Variants in TGFA observed in about 807,000 individuals in gnomAD.
TGFA encodes transforming growth factor alpha, also known as protransforming growth factor alpha.
TGFA carries 12 observed loss-of-function variants against 21.7 expected under a neutral mutation model. The ratio of observed to expected loss-of-function variants is 0.55; its 90% CI spans 0.35 to 0.90. The LOEUF (loss-of-function observed/expected upper bound fraction) is 0.90. TGFA is among the 40% of genes least tolerant of loss of function. The pLI is 0.01. For missense variants in TGFA, 178 were observed against 210.8 expected (o/e 0.84, Z 0.96); for synonymous variants, 79 against 88.1 (o/e 0.90, Z 0.58).
chr2:70,533,250 T>C (rs1553503958), intron 1 of TGFA, among the ~76,000 whole-genome samples: 1 of 152,180 alleles, frequency 6.6e-6, no homozygotes, highest in African/African-American at 2.4e-5. Flanking sequence ...TGTTCTGAGG[T>C]ACAAGCTGAA....
intron 2 of TGFA, among the ~76,000 whole-genome samples, chr2:70,503,579 T>TA (rs372379367): frequency 0.31 from 41,935 of 134,254 alleles, 6,695 homozygotes; most frequent in East Asian, 0.51. Context: ...ATAATAATAA[T>TA]AATAAAAAAA....
At chr2:70,465,533 A>G (rs1670529359) in intron 3 of TGFA, 83 bp downstream of exon 3, 13 of 1,552,376 alleles carry the variant, frequency 8.4e-6, no homozygotes, top group South Asian at 1.2e-5. Context: ...GCCTCTGGCA[A>G]GTCTTATGGA....
chr2:70,522,533 C>T (rs892293747), intron 1 of TGFA, among the ~76,000 whole-genome samples: 8 of 152,324 alleles, frequency 5.3e-5, no homozygotes, highest in African/African-American at 1.7e-4. Context: ...CTCCCAGGTT[C>T]AAGCAATTCT....
chr2:70,532,756 T>G (rs1390637639), intron 1 of TGFA, among the ~76,000 whole-genome samples: 1 of 152,218 alleles, frequency 6.6e-6, no homozygotes, highest in Non-Finnish European at 1.5e-5. Context: ...TCTCCCTGCT[T>G]TAGGCAGTTC....
At chr2:70,547,436 A>C (rs543703922) in intron 1 of TGFA, among the ~76,000 whole-genome samples, 5 of 151,998 alleles carry the variant, frequency 3.3e-5, no homozygotes, top group African/African-American at 4.8e-5. Context: ...TCTACTAAAA[A>C]CACAAAAATT....
chr2:70,529,759 A>G (rs902039247), intron 1 of TGFA, among the ~76,000 whole-genome samples: 5 of 152,194 alleles, frequency 3.3e-5, no homozygotes, highest in Admixed American at 3.3e-4. Flanking sequence ...CAGAGGAGCA[A>G]TAACATCTGA....
intron 3 of TGFA, among the ~76,000 whole-genome samples, chr2:70,462,044 C>G (rs782174994): frequency 2.0e-5 from 3 of 152,112 alleles, no homozygotes; most frequent in Admixed American, 2.0e-4. Context: ...CTCCCTCTCT[C>G]GAGACTAGAA....
At chr2:70,477,916 G>A (rs1291058928) in intron 2 of TGFA, among the ~76,000 whole-genome samples, 1 of 152,156 alleles carries the variant, frequency 6.6e-6, no homozygotes, top group Non-Finnish European at 1.5e-5. Flanking sequence ...CTGGCATTAG[G>A]GGTTGGTTAG....
chr2:70,460,685 G>A (rs996155307), intron 3 of TGFA, among the ~76,000 whole-genome samples: 7 of 152,148 alleles, frequency 4.6e-5, no homozygotes, highest in Non-Finnish European at 8.8e-5. Context: ...CTGGGGGCTG[G>A]TGGGGAGAGG....
At chr2:70,499,781 C>A (rs1553498861) in intron 2 of TGFA, among the ~76,000 whole-genome samples, 1 of 152,080 alleles carries the variant, frequency 6.6e-6, no homozygotes, top group African/African-American at 2.4e-5. Context: ...CTGGCTGCAG[C>A]ACAATATTGG....
At chr2:70,528,568 G>C (rs1310033650) in intron 1 of TGFA, among the ~76,000 whole-genome samples, 6 of 152,164 alleles carry the variant, frequency 3.9e-5, no homozygotes, top group African/African-American at 1.4e-4. Flanking sequence ...AGGTTGACAG[G>C]CACACAGTCA....
rs11466262 is a variant in TGFA at position 70,456,131 on chromosome 2, G to T, written c.365+208C>A. Among the ~76,000 whole-genome samples the T allele has an allele frequency of 7.6e-3, 1,154 of 152,370 alleles. 11 individuals carry two copies. The highest frequency in any genetic ancestry group is 0.011 in the Non-Finnish European group (725 of 68,032). The stretch of plus-strand genomic sequence containing the variant: ...ACAGTGCACCAACCCCCCAGCTGGG[G>T]ATCCGCCCAGGATGCATGAGGCTTT... On this transcript the variant is annotated intron_variant, in intron 4 of 5. Transcript: ENST00000295400.
intron 2 of TGFA, among the ~76,000 whole-genome samples, chr2:70,495,699 G>A (rs1406953854): frequency 6.6e-6 from 1 of 152,054 alleles, no homozygotes; most frequent in Non-Finnish European, 1.5e-5. Flanking sequence ...TTGTTACTAT[G>A]ATTATTGTTA....
chr2:70,506,121 A>C (rs1303656320), intron 2 of TGFA, among the ~76,000 whole-genome samples: 1 of 152,228 alleles, frequency 6.6e-6, no homozygotes, highest in East Asian at 1.9e-4. Context: ...CGTGTTCATC[A>C]TTTCATCACA....
chr2:70,513,711 GA>G (rs1210217877), intron 2 of TGFA, among the ~76,000 whole-genome samples: 1 of 152,224 alleles, frequency 6.6e-6, no homozygotes, highest in African/African-American at 2.4e-5. Context: ...TGAAGGAGGA[GA>G]AGAGACCAGG....
intron 1 of TGFA, among the ~76,000 whole-genome samples, chr2:70,525,153 C>A (rs1322195921): frequency 6.6e-6 from 1 of 152,194 alleles, no homozygotes; most frequent in African/African-American, 2.4e-5. Context: ...TGAACTCTGT[C>A]CCATTTCCTC....
intron 2 of TGFA, among the ~76,000 whole-genome samples, chr2:70,499,861 T>C (rs1553498871): frequency 6.6e-6 from 1 of 152,174 alleles, no homozygotes. Flanking sequence ...GGAAAGGATG[T>C]GAGTGAAAAC....
At chr2:70,549,485 C>G (rs1297972152) in intron 1 of TGFA, among the ~76,000 whole-genome samples, 1 of 152,142 alleles carries the variant, frequency 6.6e-6, no homozygotes, top group East Asian at 1.9e-4. Context: ...GAATCACAAC[C>G]GCAGTGGAGG....
intron 5 of TGFA, among the ~76,000 whole-genome samples, chr2:70,452,747 G>C (rs1553489836): frequency 6.6e-6 from 1 of 152,102 alleles, no homozygotes; most frequent in East Asian, 1.9e-4. Context: ...TTTGAGACCA[G>C]CCTGGCCAAT....
Sources: gnomAD v4.1 joint callset for allele counts (sites outside exome capture counted in the v4.1 genomes callset) on GRCh38, gnomAD v4.1.1 for gene constraint, MANE v1.5 for transcripts, NCBI Gene and HGNC (gene_info 2026-07-23, HGNC 2026-07-21) for gene names.